Variants in NAT2 observed in about 807,000 individuals in gnomAD.
NAT2 encodes the protein N-acetyltransferase 2.
For missense variants in NAT2, 428 were observed against 339.1 expected (o/e 1.26, Z -2.06); for synonymous variants, 137 against 125.9 (o/e 1.09, Z -0.59).
rs772309919 is a variant in NAT2 at position 18,400,606 on chromosome 8, T to C, written c.603T>C (p.Asp201=). ...LFTLEPRTIE[D]FESMNTYLQT... is the part of the protein sequence containing the mutation. ...CGCTTGAACCTCGAACAATTGAAGA[T>C]TTTGAGTCTATGAATACATACCTGC... The change falls in exon 2 of 2, where the codon GAT becomes GAC. Residue 201 remains aspartate, a synonymous_variant. Transcript: ENST00000286479. The C allele has an allele frequency of 1.2e-6, 2 of 1,613,724 alleles. No individual in the cohort carries two copies. The highest frequency in any genetic ancestry group is 1.7e-6 in the Non-Finnish European group (2 of 1,179,896).
chr8:18,390,087 C>A (rs1054271780), upstream of NAT2, among the ~76,000 whole-genome samples: 2 of 152,198 alleles, frequency 1.3e-5, no homozygotes, highest in Admixed American at 1.3e-4. Flanking sequence ...GCATGTAGAA[C>A]ACAAGGATAT....
upstream of NAT2, among the ~76,000 whole-genome samples, chr8:18,389,882 A>G (rs1378268414): frequency 1.3e-5 from 2 of 152,240 alleles, no homozygotes; most frequent in African/African-American, 2.4e-5. Context: ...AAAGATTTGT[A>G]TTCCAGTGGC....
Position 18,400,486 on chromosome 8 carries a change from G to A in NAT2, c.483G>A (p.Leu161=). ...CLTEERGIWY[L]DQIRREQYIT... The stretch of plus-strand genomic sequence containing the variant: ...CAGAAGAGAGAGGAATCTGGTACCT[G>A]GACCAAATCAGGAGAGAGCAGTATA... Residue 161 remains leucine (L), a synonymous_variant, in exon 2 of 2, where the codon CTG becomes CTA. Transcript: ENST00000286479. The A allele has an allele frequency of 6.2e-7, 1 of 1,613,620 alleles. No individual in the cohort carries two copies. Among genetic ancestry groups the A allele is most frequent in the Non-Finnish European group, 8.5e-7 (1 of 1,179,920 alleles).
upstream of NAT2, among the ~76,000 whole-genome samples, chr8:18,388,214 G>A (rs187657118): frequency 6.6e-6 from 1 of 152,276 alleles, no homozygotes; most frequent in Non-Finnish European, 1.5e-5. Context: ...AACAATTCAT[G>A]AATTATTACA....
intron 1 of NAT2, among the ~76,000 whole-genome samples, chr8:18,392,097 C>T (rs1800600536): frequency 1.3e-5 from 2 of 152,122 alleles, no homozygotes; most frequent in African/African-American, 4.8e-5. Flanking sequence ...CTGTTGGCCC[C>T]CTAAAGCTTC....
At chr8:18,394,347 T>C in intron 1 of NAT2, among the ~76,000 whole-genome samples, 1 of 152,220 alleles carries the variant, frequency 6.6e-6, no homozygotes, top group Non-Finnish European at 1.5e-5. Context: ...CTCAGAGGCC[T>C]GACACACAGT....
Position 18,401,077 on chromosome 8 carries a change from TAAAAA to T in NAT2, c.*202_*206del, listed in dbSNP as rs1800784754. On this transcript the variant is annotated 3_prime_UTR_variant, in exon 2 of 2. Coordinates refer to ENST00000286479, the MANE Select transcript of NAT2 (RefSeq NM_000015.3). ...ACATAAGGACACATTTTCAAATTAA[TAAAAA>T]TAAAGGCATTTTAAGGATGGCCTGT... 2.3e-6 allele frequency: 1 copy of T among 432,974 alleles called. No homozygotes were observed. Among genetic ancestry groups the T allele is most frequent in the Admixed American group, 4.3e-5 (1 of 23,376 alleles). 26.8% of individuals were successfully genotyped at this position (432,974 alleles called of 1,614,324 possible).
chr8:18,398,279 T>C (rs144284513), intron 1 of NAT2, among the ~76,000 whole-genome samples: 8 of 152,222 alleles, frequency 5.3e-5, no homozygotes, highest in African/African-American at 1.9e-4. Flanking sequence ...TCTCTGAGCA[T>C]GTACTCCTTC....
rs1800782168 is a variant in NAT2, at chr8:18,400,905, T to A, written c.*29T>A. 1 of 1,506,952 alleles carries A rather than the reference T, an allele frequency of 6.6e-7. No homozygotes were observed. Among genetic ancestry groups the A allele is most frequent in the Non-Finnish European group, 8.9e-7 (1 of 1,123,198 alleles). The allele number at this position is 1,506,952 out of a possible 1,614,324, so 93.3% of individuals were successfully genotyped here. A position where few individuals can be genotyped will look rare whatever the true frequency, so the allele number is the denominator to read the frequency against. Reference sequence around the variant, plus strand: ...AAGGAACAAAATAAACCCTTGTGTATGTATCACCCAACTCACTAATTATCA... The same window carrying A: ...AAGGAACAAAATAAACCCTTGTGTAAGTATCACCCAACTCACTAATTATCA... On this transcript the variant is annotated 3_prime_UTR_variant, in exon 2 of 2. Transcript: ENST00000286479.
chr8:18,398,128 A>T (rs977440897), intron 1 of NAT2, among the ~76,000 whole-genome samples: 1 of 152,200 alleles, frequency 6.6e-6, no homozygotes, highest in Non-Finnish European at 1.5e-5. Flanking sequence ...ACCCCAACAC[A>T]CAGGGGAAAT....
rs45618543 is a variant in NAT2, at chr8:18,400,612, G to T, written c.609G>T (p.Glu203Asp). The T allele has an allele frequency of 5.6e-4, 904 of 1,613,860 alleles. 3 individuals are homozygous for T. In the African/African-American group the frequency reaches 0.011, roughly 20 times the overall value. ...AACCTCGAACAATTGAAGATTTTGA[G>T]TCTATGAATACATACCTGCAGACGT... ...TLEPRTIEDF[E>D]SMNTYLQTSP... The change falls in exon 2 of 2, where the codon GAG (glutamate) becomes GAT (aspartate). Residue 203 changes from glutamate (E) to aspartate (D), a missense_variant. Transcript: ENST00000286479.
At chr8:18,392,762 T>C (rs755991026) in intron 1 of NAT2, among the ~76,000 whole-genome samples, 9 of 152,230 alleles carry the variant, frequency 5.9e-5, no homozygotes, top group Non-Finnish European at 1.0e-4. Flanking sequence ...TCATGTATTA[T>C]TCCGAGGCCA....
upstream of NAT2, among the ~76,000 whole-genome samples, chr8:18,388,585 C>G (rs778782087): frequency 2.1e-5 from 3 of 145,952 alleles, no homozygotes; most frequent in Non-Finnish European, 3.0e-5. Context: ...ACATTTATTT[C>G]TTTCTCTGCA....
At chr8:18,387,850 G>A (rs753939624), upstream of NAT2, 1 of 152,472 alleles carries the variant, frequency 6.6e-6, no homozygotes, top group Admixed American at 6.5e-5. Context: ...CTTCTAGTGA[G>A]CGTTTGCCCT....
At chr8:18,397,170 A>C (rs917787844) in intron 1 of NAT2, among the ~76,000 whole-genome samples, 10 of 152,132 alleles carry the variant, frequency 6.6e-5, no homozygotes, top group African/African-American at 2.4e-4. Context: ...TAAAAATTCC[A>C]CTTAATATAT....
chr8:18,393,319 T>G (rs1800620422), intron 1 of NAT2, among the ~76,000 whole-genome samples: 1 of 152,118 alleles, frequency 6.6e-6, no homozygotes, highest in South Asian at 2.1e-4. Context: ...TTCCATATTT[T>G]CTTTAGGCAG....
chr8:18,398,452 C>G (rs1247955896), intron 1 of NAT2, among the ~76,000 whole-genome samples: 1 of 152,092 alleles, frequency 6.6e-6, no homozygotes, highest in Admixed American at 6.6e-5. Context: ...TAGGTTCTGC[C>G]TTGGGGAAAG....
Position 18,400,682 on chromosome 8 carries a change from AC to A in NAT2, c.683del (p.Pro228GlnfsTer40). ...AACCACATCATTTTGTTCCTTGCAG[AC>A]CCCAGAAGGGGTTTACTGTTTGGTG... ...FITTSFCSLQTPEGVYCLVGF... is the reference protein window; with the variant it reads ...FITTSFCSLQXPEGVYCLVGF... On this transcript the variant is annotated frameshift_variant, in exon 2 of 2. Coordinates refer to ENST00000286479, the MANE Select transcript of NAT2 (RefSeq NM_000015.3). LOFTEE classifies it low-confidence loss of function (END_TRUNC). The A allele has an allele frequency of 6.2e-7, 1 of 1,613,926 alleles. No homozygotes were observed. The highest frequency in any genetic ancestry group is 8.5e-7 in the Non-Finnish European group (1 of 1,179,968).
Position 18,401,019 on chromosome 8 carries a change from G to C in NAT2, c.*143G>C, listed in dbSNP as rs1343255696. On this transcript the variant is annotated 3_prime_UTR_variant, in exon 2 of 2. Coordinates refer to ENST00000286479, the MANE Select transcript of NAT2 (RefSeq NM_000015.3). Reference sequence around the variant, plus strand: ...AATACTTTCATCCATAAAAATGTCAGCATTTATTAAAAAACAATAACTTTT... The same window carrying C: ...AATACTTTCATCCATAAAAATGTCACCATTTATTAAAAAACAATAACTTTT... The C allele has an allele frequency of 9.4e-6, 5 of 534,182 alleles. No individual in the cohort carries two copies. Among genetic ancestry groups the C allele is most frequent in the East Asian group, 3.4e-5 (1 of 29,760 alleles). 33.1% of individuals were successfully genotyped at this position (534,182 alleles called of 1,614,324 possible).
Sources: allele counts gnomAD v4.1 joint callset (sites outside exome capture counted in the v4.1 genomes callset), GRCh38; gene constraint gnomAD v4.1.1; transcripts MANE v1.5; gene names NCBI Gene and HGNC (gene_info 2026-07-23, HGNC 2026-07-21).